The following KNL1 variants were observed in gnomAD, a reference collection of about 807,000 sequenced individuals.
The protein encoded by KNL1 is outer kinetochore KNL1 complex subunit KNL1.
Under a neutral mutation model 201.3 loss-of-function variants are expected in KNL1, and 66 were observed. The ratio of observed to expected loss-of-function variants is 0.33; its 90% CI spans 0.27 to 0.40. KNL1 has a LOEUF of 0.40. Ranked by LOEUF, KNL1 falls within the 10% of genes least tolerant of loss-of-function variation. The pLI, the probability that KNL1 is intolerant of heterozygous loss-of-function variation, is 1.00. For missense variants in KNL1, 2,815 were observed against 2,690.5 expected (o/e 1.05, Z -1.02); for synonymous variants, 895 against 899.2 (o/e 1.00, Z 0.08).
At chr15:40,653,243 C>T (rs1410099302) in intron 21 of KNL1, among the ~76,000 whole-genome samples, 1 of 152,064 alleles carries the variant, frequency 6.6e-6, no homozygotes, top group Non-Finnish European at 1.5e-5. Context: ...GGCTGAAGTG[C>T]AGTAGTGCAA....
rs1468383257 is a variant in KNL1 at position 40,663,372 on chromosome 15, G to A, written c.*1184G>A. Reference sequence around the variant, plus strand: ...ACACCCAGCAATGTTTTCTTAATAAGTATAGTTTTTCTAGGGAAAGTTAAT... The same window carrying A: ...ACACCCAGCAATGTTTTCTTAATAAATATAGTTTTTCTAGGGAAAGTTAAT... On this transcript the variant is annotated 3_prime_UTR_variant, in exon 26 of 26. Coordinates refer to ENST00000399668, the MANE Select transcript of KNL1 (RefSeq NM_144508.5). 1.1e-5 allele frequency: 2 copies of A among 178,606 alleles called. No homozygotes were observed. Among genetic ancestry groups the A allele is most frequent in the Non-Finnish European group, 1.2e-5 (1 of 83,278 alleles). 11.1% of individuals were successfully genotyped at this position (178,606 alleles called of 1,614,324 possible). A position where few individuals can be genotyped will look rare whatever the true frequency, so the allele number is the denominator to read the frequency against.
Position 40,622,052 on chromosome 15 carries a change from G to T in KNL1, c.1788G>T (p.Glu596Asp), listed in dbSNP as rs1427719100. ...TTGCAGCTTATAATCTAGCACCGGA[G>T]AGTACCAGTGAATCTCACTCTCAGA... ...VPLAAYNLAP[E>D]STSESHSQSK... The change falls in exon 10 of 26, where the codon GAG becomes GAT. Residue 596 changes from glutamate (E) to aspartate (D), a missense_variant. This residue lies in a region of KNL1 where 2,464 missense variants were observed against 2,291.7 expected (regional missense o/e 1.08). Transcript: ENST00000399668. 1.2e-6 allele frequency: 2 copies of T among 1,613,966 alleles called. No individual in the cohort carries two copies. Among genetic ancestry groups the T allele is most frequent in the East Asian group, 4.5e-5 (2 of 44,872 alleles).
intron 21 of KNL1, among the ~76,000 whole-genome samples, chr15:40,652,348 A>C (rs1014147427): frequency 1.3e-5 from 2 of 152,192 alleles, no homozygotes; most frequent in Non-Finnish European, 2.9e-5. Flanking sequence ...TTGCTCTGCA[A>C]ATAATGGATA....
At position 40,645,052 on chromosome 15, in the gene KNL1, C is replaced by T. The variant is rs1056527344; in HGVS notation, c.5854C>T (p.Leu1952=). Residue 1952 remains leucine, a synonymous_variant, in exon 15 of 26, where the codon CTG becomes TTG. Coordinates refer to ENST00000399668, the MANE Select transcript of KNL1 (RefSeq NM_144508.5). The part of the protein sequence containing the change: ...DKLLVDINKN[L]WEKMRHCSDK... ...GCTGTTGGTTGATATAAATAAGAAC[C>T]TGTGGGAAAAAATGAGACACTGCTC... is the stretch of plus-strand genomic sequence containing the variant. The T allele has an allele frequency of 2.5e-6, 4 of 1,611,782 alleles. No homozygotes were observed. The highest frequency in any genetic ancestry group is 3.4e-6 in the Non-Finnish European group (4 of 1,178,780).
chr15:40,602,574 C>A (rs1044397971), intron 1 of KNL1, among the ~76,000 whole-genome samples: 14 of 148,640 alleles, frequency 9.4e-5, no homozygotes, highest in African/African-American at 3.5e-4. Context: ...GCAACCTCCG[C>A]GTCCTGGATT....
At chr15:40,635,329 G>A (rs1893024572) in intron 13 of KNL1, among the ~76,000 whole-genome samples, 1 of 151,764 alleles carries the variant, frequency 6.6e-6, no homozygotes, top group Admixed American at 6.6e-5. Context: ...TGGGATTACA[G>A]GCTTGAGCCA....
chr15:40,606,630 CCTCT>C (rs1408653259), intron 4 of KNL1, among the ~76,000 whole-genome samples, 178 bp downstream of exon 4: 1 of 152,172 alleles, frequency 6.6e-6, no homozygotes, highest in Non-Finnish European at 1.5e-5. Context: ...ATGGCATCTC[CCTCT>C]CTTACCCAGG....
At chr15:40,654,814 G>C in intron 21 of KNL1, 95 bp from the exon 22 acceptor site, 1 of 867,748 alleles carries the variant, frequency 1.2e-6, no homozygotes, top group Non-Finnish European at 1.9e-6. Flanking sequence ...GCTTGCAGTG[G>C]GCCAAGACTG....
intron 21 of KNL1, among the ~76,000 whole-genome samples, chr15:40,652,822 G>A (rs570285856): frequency 6.6e-6 from 1 of 151,822 alleles, no homozygotes; most frequent in African/African-American, 2.4e-5. Flanking sequence ...GTGTGTATAG[G>A]TGGGTTTATC....
chr15:40,621,818 G>A lies in KNL1; in HGVS notation c.1554G>A (p.Met518Ile). ...IAAAPTPEKE[M>I]MLQNLMTTSE... The stretch of plus-strand genomic sequence containing the variant: ...CTGCACCAACACCCGAAAAAGAAAT[G>A]ATGCTCCAAAATCTTATGACCACAT... The change falls in exon 10 of 26, where the codon ATG becomes ATA. Residue 518 changes from methionine (M) to isoleucine (I), a missense_variant. Met to Ile is a conservative substitution (Grantham distance 10, BLOSUM62 1). This residue lies in a region of KNL1 where 2,464 missense variants were observed against 2,291.7 expected (regional missense o/e 1.08). Coordinates refer to ENST00000399668, the MANE Select transcript of KNL1 (RefSeq NM_144508.5). 6.2e-7 allele frequency: 1 copy of A among 1,613,910 alleles called. No homozygotes were observed. The highest frequency in any genetic ancestry group is 8.5e-7 in the Non-Finnish European group (1 of 1,179,864).
chr15:40,647,894 C>G (rs768989462), intron 17 of KNL1, among the ~76,000 whole-genome samples: 22 of 152,190 alleles, frequency 1.4e-4, no homozygotes, highest in Non-Finnish European at 3.1e-4. Flanking sequence ...CTGTTGGCCT[C>G]TCTTTCTCTA....
chr15:40,605,450 C>G (rs1228671515), intron 3 of KNL1, among the ~76,000 whole-genome samples: 1 of 152,110 alleles, frequency 6.6e-6, no homozygotes, highest in Non-Finnish European at 1.5e-5. Flanking sequence ...AAGACCTACC[C>G]AAACTGCTTT....
Position 40,662,524 on chromosome 15 carries a change from C to A in KNL1, c.*336C>A, listed in dbSNP as rs1216878598. 4.2e-6 allele frequency: 1 copy of A among 239,460 alleles called. No individual in the cohort carries two copies. The highest frequency in any genetic ancestry group is 2.2e-5 in the African/African-American group (1 of 45,296). 14.8% of individuals were successfully genotyped at this position (239,460 alleles called of 1,614,324 possible). A position where few individuals can be genotyped will look rare whatever the true frequency, so the allele number is the denominator to read the frequency against. On this transcript the variant is annotated 3_prime_UTR_variant, in exon 26 of 26. Coordinates refer to ENST00000399668, the MANE Select transcript of KNL1 (RefSeq NM_144508.5). Reference sequence around the variant, plus strand: ...TAAGTATAAGAAGTGTTATCACTGACAAGAACATTAGCCATTTTCCCATAA... The same window carrying A: ...TAAGTATAAGAAGTGTTATCACTGAAAAGAACATTAGCCATTTTCCCATAA...
chr15:40,645,936 G>A (rs1023368107), intron 16 of KNL1, among the ~76,000 whole-genome samples, 164 bp downstream of exon 16: 2 of 152,190 alleles, frequency 1.3e-5, no homozygotes, highest in African/African-American at 4.8e-5. Context: ...GGCAAATCCT[G>A]ACATCTTGAG....
In KNL1 at chr15:40,621,626, G is replaced by C; in HGVS notation, c.1362G>C (p.Lys454Asn). 8 of 1,612,328 alleles carry C rather than the reference G, an allele frequency of 5.0e-6. No homozygotes were observed. The highest frequency in any genetic ancestry group is 6.8e-6 in the Non-Finnish European group (8 of 1,179,160). ...TGAGAGAGGAGAAAAATTTGCTAAA[G>C]CATGACAGTAATTATGCTAAAATGT... is the stretch of plus-strand genomic sequence containing the variant. The part of the protein sequence containing the change: ...SNMREEKNLL[K>N]HDSNYAKMYC... Residue 454 changes from lysine to asparagine, a missense_variant, in exon 10 of 26, where the codon AAG becomes AAC. Transcript: ENST00000399668.
intron 13 of KNL1, among the ~76,000 whole-genome samples, chr15:40,629,985 T>C (rs926756899): frequency 1.3e-5 from 2 of 152,166 alleles, no homozygotes; most frequent in African/African-American, 4.8e-5. Context: ...TCCTCCATTA[T>C]AAAAATCTAA....
rs758759341 is a variant in KNL1, at chr15:40,662,196, G to T, written c.*8G>T. 383 of 1,441,096 alleles carry T rather than the reference G, an allele frequency of 2.7e-4. No individual in the cohort carries two copies. In the African/African-American group the frequency reaches 5.0e-3, roughly 19 times the overall value. The allele number at this position is 1,441,096 out of a possible 1,614,324, so 89.3% of individuals were successfully genotyped here. On this transcript the variant is annotated 3_prime_UTR_variant, in exon 26 of 26. Coordinates refer to ENST00000399668, the MANE Select transcript of KNL1 (RefSeq NM_144508.5). ...TGCCATTTCTACCACTAGACCCTTG[G>T]ACCACCATTGGAACAACCAAGCAGA...
intron 1 of KNL1, among the ~76,000 whole-genome samples, chr15:40,595,445 G>C (rs1891594102): frequency 6.6e-6 from 1 of 152,206 alleles, no homozygotes; most frequent in South Asian, 2.1e-4. Context: ...GAGTTAATAT[G>C]TGGTAAAATT....
In KNL1 at chr15:40,624,756, T is replaced by C. The variant is rs771311293; in HGVS notation, c.4492T>C (p.Trp1498Arg). Residue 1498 changes from tryptophan to arginine, a missense_variant, in exon 10 of 26, where the codon TGG becomes CGG. By Grantham distance (101) the Trp-to-Arg change is moderately radical. Coordinates refer to ENST00000399668, the MANE Select transcript of KNL1 (RefSeq NM_144508.5). Reference protein sequence around the residue: ...NKPKILNSEEWFAAACKKELK... With the variant: ...NKPKILNSEERFAAACKKELK... ...GCCCAAAATACTCAATAGTGAGGAA[T>C]GGTTTGCTGCAGCCTGTAAAAAAGA... The C allele has an allele frequency of 8.7e-6, 14 of 1,613,776 alleles. No individual in the cohort carries two copies. The highest frequency in any genetic ancestry group is 1.7e-6 in the Non-Finnish European group (2 of 1,179,940).
Sources: allele counts gnomAD v4.1 joint callset (sites outside exome capture counted in the v4.1 genomes callset), GRCh38; gene constraint gnomAD v4.1.1; regional missense constraint gnomAD v4.1.1; transcripts MANE v1.5; gene names NCBI Gene and HGNC (gene_info 2026-07-23, HGNC 2026-07-21).